WWP1: variants seen among roughly 807,000 people sequenced by gnomAD.
WWP1 encodes NEDD4-like E3 ubiquitin-protein ligase WWP1.
Under a neutral mutation model 130.6 loss-of-function variants are expected in WWP1, and 49 were observed. The observed-to-expected ratio is 0.38, with a 90% CI of 0.30 to 0.48. The LOEUF (loss-of-function observed/expected upper bound fraction) is 0.48. WWP1 is among the 20% of genes least tolerant of loss of function. WWP1 has a pLI of 0.99. For synonymous variants in WWP1, 332 were observed against 367.8 expected, an observed-to-expected ratio of 0.90 and a Z score of 1.11; for missense variants, 809 against 1,100.6, an observed-to-expected ratio of 0.74 and a Z score of 3.75.
chr8:86,383,267 G>A (rs554069885), intron 5 of WWP1, among the ~76,000 whole-genome samples: 4 of 152,002 alleles, frequency 2.6e-5, no homozygotes, highest in Admixed American at 2.6e-4. Flanking sequence ...ACCTTGCCTG[G>A]ATTATTATTA....
intron 18 of WWP1, among the ~76,000 whole-genome samples, chr8:86,446,527 G>C (rs1352817955): frequency 1.3e-5 from 2 of 152,176 alleles, no homozygotes; most frequent in African/African-American, 4.8e-5. Flanking sequence ...GACTTAGCCA[G>C]AAATTTTTTT....
intron 9 of WWP1, among the ~76,000 whole-genome samples, chr8:86,421,301 T>G (rs1296907655): frequency 6.6e-6 from 1 of 152,210 alleles, no homozygotes; most frequent in Non-Finnish European, 1.5e-5. Flanking sequence ...TGGTTACTAC[T>G]TAAGCATTTT....
intron 2 of WWP1, among the ~76,000 whole-genome samples, chr8:86,369,602 T>C (rs1243720182): frequency 1.3e-5 from 2 of 152,218 alleles, no homozygotes; most frequent in Non-Finnish European, 2.9e-5. Flanking sequence ...TTTAAGATTC[T>C]TCTCAAATAA....
chr8:86,427,923 T>C, intron 11 of WWP1, 106 bp downstream of exon 11: 1 of 1,149,508 alleles, frequency 8.7e-7, no homozygotes, highest in Non-Finnish European at 1.2e-6. Context: ...ATTTTGGTGA[T>C]TTTCAGAAAT....
intron 1 of WWP1, among the ~76,000 whole-genome samples, chr8:86,351,309 TG>T (rs758442249): frequency 2.6e-5 from 4 of 152,178 alleles, no homozygotes; most frequent in Non-Finnish European, 5.9e-5. Context: ...CGTTTTGGCA[TG>T]GGCAGAGCTC....
intron 1 of WWP1, among the ~76,000 whole-genome samples, chr8:86,353,326 C>T (rs1823056517): frequency 6.6e-6 from 1 of 152,162 alleles, no homozygotes; most frequent in Non-Finnish European, 1.5e-5. Flanking sequence ...ATCCTGTCAT[C>T]AGAAGAGTAG....
intron 11 of WWP1, among the ~76,000 whole-genome samples, chr8:86,428,208 C>T (rs1160706655): frequency 6.6e-6 from 1 of 152,124 alleles, no homozygotes; most frequent in Non-Finnish European, 1.5e-5. Context: ...CAGTATGCTA[C>T]CTATTCTGAT....
chr8:86,381,337 AT>A (rs1461371559), intron 4 of WWP1, among the ~76,000 whole-genome samples, 167 bp from the exon 5 acceptor site: 2 of 152,162 alleles, frequency 1.3e-5, no homozygotes, highest in Non-Finnish European at 2.9e-5. Flanking sequence ...AAATATTTTT[AT>A]TTATGATTCA....
intron 9 of WWP1, among the ~76,000 whole-genome samples, chr8:86,420,979 G>A (rs1809170582): frequency 6.6e-6 from 1 of 152,160 alleles, no homozygotes; most frequent in African/African-American, 2.4e-5. Context: ...AACTTGATCA[G>A]GTTTTTAGGT....
At chr8:86,435,802 A>G in intron 16 of WWP1, 98 bp downstream of exon 16, 1 of 1,125,852 alleles carries the variant, frequency 8.9e-7, no homozygotes, top group East Asian at 2.4e-5. Flanking sequence ...ACCACCCAGA[A>G]CACAGCTATA....
At chr8:86,438,958 T>C (rs1021566464) in intron 17 of WWP1, among the ~76,000 whole-genome samples, 9 of 152,240 alleles carry the variant, frequency 5.9e-5, no homozygotes, top group Non-Finnish European at 1.5e-5. Context: ...GGATCTGATT[T>C]TGTTTTTTTA....
Position 86,427,626 on chromosome 8 carries a change from T to C in WWP1, c.1158-17T>C, listed in dbSNP as rs1469143376. On this transcript the variant is annotated splice_polypyrimidine_tract_variant and intron_variant, in intron 10 of 24. Transcript: ENST00000517970. The stretch of plus-strand genomic sequence containing the variant: ...TATATTGAGAGATTATTGTTTATTA[T>C]TGTTTACTTGTGGTAGTTGGGAAAG... 1.3e-6 allele frequency: 2 copies of C among 1,577,316 alleles called. No individual in the cohort carries two copies. The highest frequency in any genetic ancestry group is 8.6e-7 in the Non-Finnish European group (1 of 1,158,258).
At chr8:86,427,617 T>C in intron 10 of WWP1, 26 bp from the exon 11 acceptor site, 1 of 1,542,296 alleles carries the variant, frequency 6.5e-7, no homozygotes, top group East Asian at 2.3e-5. Flanking sequence ...GAGAGATTAT[T>C]GTTTATTATT....
intron 1 of WWP1, among the ~76,000 whole-genome samples, chr8:86,345,764 A>G (rs906782352): frequency 2.0e-5 from 3 of 152,188 alleles, no homozygotes; most frequent in African/African-American, 7.2e-5. Context: ...TGTACTGATA[A>G]GAACTCTTAC....
rs1554554024 is a variant in WWP1, at chr8:86,362,180, A to ATATAT, written c.-114-6758_-114-6754dup. ...ATACAAGGCATATATATATATATATATATATATATATATATATATATACTG... is the reference window on the plus strand; with the variant it reads ...ATACAAGGCATATATATATATATATATATATTATATATATATATATATATATACTG... On this transcript the variant is annotated intron_variant, in intron 1 of 24. Transcript: ENST00000517970. Among the ~76,000 whole-genome samples the ATATAT allele has an allele frequency of 6.7e-3, 859 of 127,648 alleles. 23 individuals are homozygous for ATATAT. Among genetic ancestry groups the ATATAT allele is most frequent in the Middle Eastern group, 0.012 (3 of 248 alleles). 83.7% of individuals were successfully genotyped at this position (127,648 alleles called of 152,430 possible). A position where few individuals can be genotyped will look rare whatever the true frequency, so the allele number is the denominator to read the frequency against.
intron 5 of WWP1, among the ~76,000 whole-genome samples, chr8:86,386,586 C>G (rs1243703793): frequency 6.6e-6 from 1 of 152,010 alleles, no homozygotes; most frequent in Non-Finnish European, 1.5e-5. Context: ...CTTAACTATC[C>G]TTACCTTTCA....
rs1361819871 is a variant in WWP1 at position 86,351,435 on chromosome 8, CTCAAGCAATCCTCCCACCT to C, written c.-115+8506_-115+8524del. 4.6e-5 allele frequency among the ~76,000 whole-genome samples: 7 copies of C among 151,902 alleles called. No homozygotes were observed. The South Asian group carries it at 1.5e-3, about 32-fold the overall frequency. Reference sequence around the variant, plus strand: ...TTCATAGCAGGCTTGACCTCGGGGGCTCAAGCAATCCTCCCACCTCAGCCCCACAAGTAGCTGGGACTAC... The same window carrying C: ...TTCATAGCAGGCTTGACCTCGGGGGCCAGCCCCACAAGTAGCTGGGACTAC... On this transcript the variant is annotated intron_variant, in intron 1 of 24. Transcript: ENST00000517970.
At chr8:86,374,185 A>G (rs1011371247) in intron 3 of WWP1, 65 bp downstream of exon 3, 1 of 1,282,486 alleles carries the variant, frequency 7.8e-7, no homozygotes, top group Non-Finnish European at 1.1e-6. Context: ...TACCTAATTC[A>G]GCAGACTTAT....
Position 86,430,459 on chromosome 8 carries a change from T to A in WWP1, c.1333-238T>A, listed in dbSNP as rs538814090. ...ACACATCTGGCTAATTAAAAAAAAA[T>A]TTTTTTTTATAGAGACAGGATCTTC... On this transcript the variant is annotated intron_variant, in intron 11 of 24. Transcript: ENST00000517970. 1.8e-4 allele frequency among the ~76,000 whole-genome samples: 27 copies of A among 151,310 alleles called. No homozygotes were observed. The East Asian group carries it at 2.1e-3, about 12-fold the overall frequency.
Sources: allele counts gnomAD v4.1 joint callset (sites outside exome capture counted in the v4.1 genomes callset), GRCh38; gene constraint gnomAD v4.1.1; transcripts MANE v1.5; gene names NCBI Gene and HGNC (gene_info 2026-07-23, HGNC 2026-07-21).